TRIM35: variants seen among roughly 807,000 people sequenced by gnomAD.
TRIM35 encodes the protein E3 ubiquitin-protein ligase TRIM35.
A neutral mutation model predicts 49.1 loss-of-function variants in TRIM35; 37 were observed. The observed-to-expected ratio is 0.75, with a 90% confidence interval of 0.58 to 0.99. TRIM35 has a LOEUF of 0.99. TRIM35 is among the 50% of genes least tolerant of loss of function. TRIM35 has a pLI of 0.00. For synonymous variants in TRIM35, 302 were observed against 289.3 expected (o/e 1.04, Z -0.45); for missense variants, 648 against 702.7 (o/e 0.92, Z 0.88).
intron 2 of TRIM35, among the ~76,000 whole-genome samples, chr8:27,296,000 G>A (rs1802557596): frequency 6.6e-6 from 1 of 152,116 alleles, no homozygotes; most frequent in South Asian, 2.1e-4. Context: ...AGCATTCACA[G>A]AAGAAGCATA....
intron 3 of TRIM35, among the ~76,000 whole-genome samples, chr8:27,293,837 A>G (rs1011729568): frequency 6.6e-6 from 1 of 152,156 alleles, no homozygotes; most frequent in Admixed American, 6.5e-5. Flanking sequence ...TGGGTGATAC[A>G]GCAAGACCCT....
chr8:27,289,322 T>G, intron 4 of TRIM35, 42 bp from the exon 5 acceptor site: 2 of 1,571,300 alleles, frequency 1.3e-6, no homozygotes, highest in Non-Finnish European at 1.8e-6. Context: ...GCCAGAGCCA[T>G]GCAACCTGGG....
At position 27,298,548 on chromosome 8, in the gene TRIM35, C is replaced by T; in HGVS notation, c.447G>A (p.Arg149=). 1 of 1,614,126 alleles carries T rather than the reference C, an allele frequency of 6.2e-7. No homozygotes were observed. The highest frequency in any genetic ancestry group is 8.5e-7 in the Non-Finnish European group (1 of 1,179,972). The change falls in exon 2 of 6, where the codon AGG becomes AGA. Residue 149 remains arginine, a synonymous_variant. Transcript: ENST00000305364. ...TCTCCCGCAGTGCATGCTCCATGTTCCTGCACTTGGCCTGACATGGGAATG... is the reference window on the plus strand; with the variant it reads ...TCTCCCGCAGTGCATGCTCCATGTTTCTGCACTTGGCCTGACATGGGAATG... The part of the protein sequence containing the change: ...DTAHDFRAKC[R]NMEHALREKA...
At chr8:27,292,443 G>A (rs1024080586) in intron 3 of TRIM35, among the ~76,000 whole-genome samples, 2 of 152,156 alleles carry the variant, frequency 1.3e-5, no homozygotes, top group Admixed American at 6.5e-5. Flanking sequence ...ATATATCTAT[G>A]CCATGGAATA....
At chr8:27,292,839 T>A (rs1802482336) in intron 3 of TRIM35, among the ~76,000 whole-genome samples, 2 of 152,150 alleles carry the variant, frequency 1.3e-5, no homozygotes, top group African/African-American at 4.8e-5. Context: ...GTTTAGCATG[T>A]AAATTATATC....
At position 27,287,561 on chromosome 8, in the gene TRIM35, G is replaced by T. The variant is rs745405843; in HGVS notation, c.1471C>A (p.Leu491Met). 9.5e-6 allele frequency: 15 copies of T among 1,584,212 alleles called. No individual in the cohort carries two copies. The highest frequency in any genetic ancestry group is 1.1e-5 in the Non-Finnish European group (13 of 1,164,264). ...CPLHISVKEE[L>M]DG is the part of the protein sequence containing the mutation. The stretch of plus-strand genomic sequence containing the variant: ...AGCCCCGGGCCAGCTCAGCCATCCA[G>T]TTCTTCCTTGACACTGATGTGCAAG... The change falls in exon 6 of 6, where the codon CTG becomes ATG. Residue 491 changes from leucine (L) to methionine (M), a missense_variant. Physicochemically the swap from Leu to Met is conservative, Grantham distance 15. Coordinates refer to ENST00000305364, the MANE Select transcript of TRIM35 (RefSeq NM_171982.5). The surrounding 1 kb of genome is among the most constrained non-coding windows in gnomAD (Gnocchi z 6.0).
At chr8:27,293,010 T>C (rs112070149) in intron 3 of TRIM35, among the ~76,000 whole-genome samples, 1 of 125,528 alleles carries the variant, frequency 8.0e-6, no homozygotes, top group Non-Finnish European at 1.7e-5. Flanking sequence ...TTTCTTTTTT[T>C]TTTTTCTTCA....
intron 2 of TRIM35, among the ~76,000 whole-genome samples, chr8:27,297,864 G>A (rs988411923): frequency 2.6e-5 from 4 of 152,206 alleles, no homozygotes; most frequent in Admixed American, 6.5e-5. Context: ...GGCCTTGGAG[G>A]CCATGGTAAG....
chr8:27,289,340 G>C lies in TRIM35; in HGVS notation c.786-60C>G, dbSNP rs563663348. Reference sequence around the variant, plus strand: ...AGAGCCATGCAACCTGGGCCGAACTGGGCCAACTGGAAACCAGCAACAGGA... The same window carrying C: ...AGAGCCATGCAACCTGGGCCGAACTCGGCCAACTGGAAACCAGCAACAGGA... On this transcript the variant is annotated intron_variant, in intron 4 of 5. Coordinates refer to ENST00000305364, the MANE Select transcript of TRIM35 (RefSeq NM_171982.5). 21 of 1,401,556 alleles carry C rather than the reference G, an allele frequency of 1.5e-5. No homozygotes were observed. In the Middle Eastern group the frequency reaches 5.4e-4, roughly 36 times the overall value. 86.8% of individuals were successfully genotyped at this position (1,401,556 alleles called of 1,614,324 possible). A position where few individuals can be genotyped will look rare whatever the true frequency, so the allele number is the denominator to read the frequency against.
rs560326544 is a variant in TRIM35, at chr8:27,294,134, A to G, written c.708T>C (p.His236=). 15 of 1,610,704 alleles carry G rather than the reference A, an allele frequency of 9.3e-6. 1 individual carries two copies. In the South Asian group the frequency reaches 1.5e-4, roughly 17 times the overall value. ...TCTCCATCTGCAGCCGCTCGATCTC[A>G]TGTGCCAGCACCTCCGTCTCCTCTG... The part of the protein sequence containing the change: ...QLTEETEVLA[H]EIERLQMEMK... The change falls in exon 3 of 6, where the codon CAT becomes CAC. Residue 236 remains histidine, a synonymous_variant. Transcript: ENST00000305364.
At position 27,294,168 on chromosome 8, in the gene TRIM35, T is replaced by C. The variant is rs1802515952; in HGVS notation, c.674A>G (p.Lys225Arg). ...CACCTCCGTCTCCTCTGTGAGCTGC[T>C]TCATCTTCTCGTCGGCCAGAAGTTG... ...QKQLLADEKM[K>R]QLTEETEVLA... is the part of the protein sequence containing the mutation. The change falls in exon 3 of 6, where the codon AAG (lysine) becomes AGG (arginine). Residue 225 changes from lysine to arginine, a missense_variant. Coordinates refer to ENST00000305364, the MANE Select transcript of TRIM35 (RefSeq NM_171982.5). 1.9e-6 allele frequency: 3 copies of C among 1,614,138 alleles called. No individual in the cohort carries two copies.
At chr8:27,289,048 G>C (rs1802397163) in intron 5 of TRIM35, 114 bp downstream of exon 5, 3 of 752,680 alleles carry the variant, frequency 4.0e-6, no homozygotes, top group Non-Finnish European at 6.7e-6. Context: ...TGAGAGAGGA[G>C]GGGAGCTCTG....
At position 27,286,179 on chromosome 8, in the gene TRIM35, G is replaced by A. The variant is rs1284910194; in HGVS notation, c.*1371C>T. On this transcript the variant is annotated 3_prime_UTR_variant, in exon 6 of 6. Transcript: ENST00000305364. ...TTTCCTTTTATGATGCCACTTCCTG[G>A]GACATGATGAGCTGAAGATTAAAAA... 1 of 456,060 alleles carries A rather than the reference G, an allele frequency of 2.2e-6. No homozygotes were observed. The highest frequency in any genetic ancestry group is 2.0e-5 in the African/African-American group (1 of 50,034). 28.3% of individuals were successfully genotyped at this position (456,060 alleles called of 1,614,324 possible). A position where few individuals can be genotyped will look rare whatever the true frequency, so the allele number is the denominator to read the frequency against.
intron 2 of TRIM35, among the ~76,000 whole-genome samples, chr8:27,295,107 A>G (rs1207909194): frequency 6.6e-6 from 1 of 152,240 alleles, no homozygotes; most frequent in Admixed American, 6.5e-5. Context: ...TACAAGCGTG[A>G]GCCACTGTGC....
chr8:27,297,446 GC>G (rs765303028), intron 2 of TRIM35, among the ~76,000 whole-genome samples: 5 of 152,202 alleles, frequency 3.3e-5, no homozygotes, highest in African/African-American at 7.2e-5. Context: ...GACAGAGGGA[GC>G]CCACTCATTC....
intron 1 of TRIM35, chr8:27,304,961 G>A: frequency 2.7e-6 from 1 of 369,002 alleles, no homozygotes; most frequent in Middle Eastern, 8.0e-4. Flanking sequence ...AAGAGTTCTG[G>A]CACCTGGCCG....
At chr8:27,296,207 G>A (rs1394379192) in intron 2 of TRIM35, among the ~76,000 whole-genome samples, 1 of 147,352 alleles carries the variant, frequency 6.8e-6, no homozygotes, top group Non-Finnish European at 1.5e-5. Flanking sequence ...TGCAGGACAT[G>A]CAGGTTTGTT....
In TRIM35 at chr8:27,298,469, T is replaced by C; in HGVS notation, c.526A>G (p.Asn176Asp). The change falls in exon 2 of 6, where the codon AAT (asparagine) becomes GAT (aspartate). Residue 176 changes from asparagine (N) to aspartate (D), a missense_variant. Coordinates refer to ENST00000305364, the MANE Select transcript of TRIM35 (RefSeq NM_171982.5). Reference protein sequence around the residue: ...RRSYEAIAKHNQVEAAWLEGR... With the variant: ...RRSYEAIAKHDQVEAAWLEGR... ...TGGCCCCATCGTTCGCTCACCTGAT[T>C]GTGCTTGGCGATGGCCTCATAGGAG... The C allele has an allele frequency of 6.2e-7, 1 of 1,614,144 alleles. No individual in the cohort carries two copies. Among genetic ancestry groups the C allele is most frequent in the South Asian group, 1.1e-5 (1 of 91,078 alleles).
intron 1 of TRIM35, among the ~76,000 whole-genome samples, chr8:27,302,821 A>G (rs1227892739): frequency 1.3e-5 from 2 of 152,200 alleles, no homozygotes; most frequent in African/African-American, 4.8e-5. Context: ...TAGAATCTTT[A>G]TTTTCTACAC....
Sources: gnomAD v4.1 joint callset for allele counts (sites outside exome capture counted in the v4.1 genomes callset) on GRCh38, gnomAD v4.1.1 for gene constraint, Gnocchi (gnomAD v3.1) non-coding constraint, MANE v1.5 for transcripts, NCBI Gene and HGNC (gene_info 2026-07-23, HGNC 2026-07-21) for gene names.